The following PRDM13 variants were observed in gnomAD, a reference collection of about 807,000 sequenced individuals.
PRDM13 encodes the protein PR domain zinc finger protein 13.
PRDM13 carries 15 observed loss-of-function variants against 36.4 expected under a neutral mutation model. The observed-to-expected ratio is 0.41, with a 90% CI of 0.28 to 0.64. The LOEUF is 0.64. PRDM13 is among the 30% of genes least tolerant of loss of function. The pLI is 0.29. For missense variants in PRDM13, 1,044 were observed against 1,013.5 expected, an observed-to-expected ratio of 1.03 and a Z score of -0.41; for synonymous variants, 531 against 467.7, an observed-to-expected ratio of 1.14 and a Z score of -1.75.
At position 99,614,010 on chromosome 6, in the gene PRDM13, A is replaced by G; in HGVS notation, c.1375A>G (p.Met459Val). The G allele has an allele frequency of 6.2e-7, 1 of 1,610,132 alleles. No individual in the cohort carries two copies. The highest frequency in any genetic ancestry group is 8.5e-7 in the Non-Finnish European group (1 of 1,179,036). Residue 459 changes from methionine (M) to valine (V), a missense_variant, in exon 4 of 4, where the codon ATG (methionine) becomes GTG (valine). By Grantham distance (21) the Met-to-Val change is conservative. Transcript: ENST00000369215. ...TGAGTGCAGCCACCTGCCCGCCGTCATGCCGGCCTTTACAGTCTACAACGG... is the reference window on the plus strand; with the variant it reads ...TGAGTGCAGCCACCTGCCCGCCGTCGTGCCGGCCTTTACAGTCTACAACGG... Reference protein sequence around the residue: ...GGECSHLPAVMPAFTVYNGEL... With the variant: ...GGECSHLPAVVPAFTVYNGEL...
In PRDM13 at chr6:99,614,640, G is replaced by A. The variant is rs780012879; in HGVS notation, c.2005G>A (p.Glu669Lys). The change falls in exon 4 of 4, where the codon GAG becomes AAG. Residue 669 changes from glutamate to lysine, a missense_variant. By Grantham distance (56) the Glu-to-Lys change is moderately conservative (BLOSUM62 1). This residue lies in a region of PRDM13 where 115 missense variants were observed against 122.1 expected (regional missense o/e 0.94). Transcript: ENST00000369215. Reference protein sequence around the residue: ...LAKAGDGPGAEPGYPPEPGDP... With the variant: ...LAKAGDGPGAKPGYPPEPGDP... ...CAAAGCGGGCGACGGCCCGGGTGCC[G>A]AGCCCGGCTATCCCCCGGAGCCTGG... 3.7e-6 allele frequency: 6 copies of A among 1,612,268 alleles called. No homozygotes were observed. In the East Asian group the frequency reaches 1.3e-4, roughly 36 times the overall value.
In PRDM13 at chr6:99,613,533, C is replaced by G; in HGVS notation, c.898C>G (p.Leu300Val). The G allele has an allele frequency of 6.7e-7, 1 of 1,497,674 alleles. No individual in the cohort carries two copies. The highest frequency in any genetic ancestry group is 2.6e-5 in the East Asian group (1 of 38,190). 92.8% of individuals were successfully genotyped at this position (1,497,674 alleles called of 1,614,324 possible). A position where few individuals can be genotyped will look rare whatever the true frequency, so the allele number is the denominator to read the frequency against. Residue 300 changes from leucine to valine, a missense_variant, in exon 4 of 4, where the codon CTA (leucine) becomes GTA (valine). Around this residue, in one of 3 missense-constraint regions of PRDM13, gnomAD observed 921 missense variants for 865.2 expected, o/e 1.06. Coordinates refer to ENST00000369215, the MANE Select transcript of PRDM13 (RefSeq NM_021620.4). The surrounding 1 kb of genome is among the most constrained non-coding windows in gnomAD (Gnocchi z 6.1). The part of the protein sequence containing the change: ...GVRSAFKPAG[L>V]ARAAAAAHGD... The stretch of plus-strand genomic sequence containing the variant: ...GCGCTCAGCTTTCAAGCCCGCCGGC[C>G]TAGCGAGGGCGGCGGCGGCCGCTCA...
In PRDM13 at chr6:99,614,719, G is replaced by C. The variant is rs2114501882; in HGVS notation, c.2084G>C (p.Ser695Thr). 6.3e-7 allele frequency: 1 copy of C among 1,594,166 alleles called. No individual in the cohort carries two copies. Among genetic ancestry groups the C allele is most frequent in the Non-Finnish European group, 8.5e-7 (1 of 1,170,060 alleles). Residue 695 changes from serine to threonine, a missense_variant, in exon 4 of 4, where the codon AGC (serine) becomes ACC (threonine). Transcript: ENST00000369215. ...GACGTCTGCTTCACAGACGACCAGA[G>C]CGACCCCGAGGTTGGGGGCGGCGGG... Reference protein sequence around the residue: ...DVDVCFTDDQSDPEVGGGGER... With the variant: ...DVDVCFTDDQTDPEVGGGGER...
At chr6:99,609,341 C>T in intron 3 of PRDM13, 34 bp downstream of exon 3, 1 of 1,609,060 alleles carries the variant, frequency 6.2e-7, no homozygotes, top group Non-Finnish European at 8.5e-7. Flanking sequence ...GGGCAAAAGT[C>T]CAGCCCTCCT....
intron 3 of PRDM13, among the ~76,000 whole-genome samples, chr6:99,610,514 C>T (rs546861710): frequency 6.6e-6 from 1 of 152,290 alleles, no homozygotes; most frequent in Admixed American, 6.5e-5. Context: ...GAAATCAATA[C>T]AAGTATGTGA....
At position 99,607,154 on chromosome 6, in the gene PRDM13, C is replaced by T. The variant is rs1769959296; in HGVS notation, c.120C>T (p.Arg40=). 4.3e-6 allele frequency: 7 copies of T among 1,613,894 alleles called. No individual in the cohort carries two copies. The highest frequency in any genetic ancestry group is 5.9e-6 in the Non-Finnish European group (7 of 1,179,994). The change falls in exon 1 of 4, where the codon CGC becomes CGT. Residue 40 remains arginine, a synonymous_variant. Transcript: ENST00000369215. ...AGCTGGGCAAGTACCTGTCAGACCG[C>T]AGGGAGCCCGGGCCTAAGAAAAAGG... ...TFKLGKYLSD[R]REPGPKKKVR... is the part of the protein sequence containing the mutation.
At chr6:99,612,885 C>T (rs330843) in intron 3 of PRDM13, 148 bp from the exon 4 acceptor site, 293,739 of 1,437,980 alleles carry the variant, frequency 0.2, 32,331 homozygotes, top group Non-Finnish European at 0.23. Flanking sequence ...TCGGGGTCCT[C>T]GATACAGTAG....
At position 99,614,210 on chromosome 6, in the gene PRDM13, C is replaced by A. The variant is rs1266511572; in HGVS notation, c.1575C>A (p.His525Gln). ...LASIDREIAM[H>Q]NQQLSEMAAG... ...GCATCGACCGAGAGATCGCCATGCA[C>A]AATCAGCAGCTGTCCGAGATGGCTG... is the stretch of plus-strand genomic sequence containing the variant. Residue 525 changes from histidine to glutamine, a missense_variant, in exon 4 of 4, where the codon CAC (histidine) becomes CAA (glutamine). Physicochemically the swap from His to Gln is conservative, Grantham distance 24. Around this residue, in one of 3 missense-constraint regions of PRDM13, gnomAD observed 921 missense variants for 865.2 expected, o/e 1.06. Coordinates refer to ENST00000369215, the MANE Select transcript of PRDM13 (RefSeq NM_021620.4). 1.2e-6 allele frequency: 2 copies of A among 1,608,274 alleles called. No individual in the cohort carries two copies. Among genetic ancestry groups the A allele is most frequent in the Middle Eastern group, 1.7e-4 (1 of 6,052 alleles).
At position 99,614,833 on chromosome 6, in the gene PRDM13, T is replaced by A. The variant is rs969835828; in HGVS notation, c.*74T>A. On this transcript the variant is annotated 3_prime_UTR_variant, in exon 4 of 4. Transcript: ENST00000369215. ...TTTATTCTCGCAGTAGAGGAACTCC[T>A]GGTGGTGGGAAGAGGGACCCAATGG... The A allele has an allele frequency of 6.7e-7, 1 of 1,502,686 alleles. No homozygotes were observed. The highest frequency in any genetic ancestry group is 1.4e-5 in the African/African-American group (1 of 71,544). 93.1% of individuals were successfully genotyped at this position (1,502,686 alleles called of 1,614,324 possible).
At chr6:99,609,013 G>A (rs1279618387) in intron 2 of PRDM13, 141 bp downstream of exon 2, 2 of 1,399,706 alleles carry the variant, frequency 1.4e-6, no homozygotes, top group Non-Finnish European at 1.9e-6. Context: ...ACCCTTTAAG[G>A]TAGTTACTAT....
chr6:99,607,068 G>A lies in PRDM13; in HGVS notation c.34G>A (p.Val12Met). Reference sequence around the variant, plus strand: ...AGCCGCCAGAGCGCCAGCCACCAGCGTGAGTGCCGACTGCTGCATCCCGGC... The same window carrying A: ...AGCCGCCAGAGCGCCAGCCACCAGCATGAGTGCCGACTGCTGCATCCCGGC... ...HGAARAPATS[V>M]SADCCIPAGL... Residue 12 changes from valine to methionine, a missense_variant, in exon 1 of 4, where the codon GTG becomes ATG. Physicochemically the swap from Val to Met is conservative, Grantham distance 21. Coordinates refer to ENST00000369215, the MANE Select transcript of PRDM13 (RefSeq NM_021620.4). The A allele has an allele frequency of 6.2e-7, 1 of 1,612,894 alleles. No individual in the cohort carries two copies. The highest frequency in any genetic ancestry group is 8.5e-7 in the Non-Finnish European group (1 of 1,179,674).
In PRDM13 at chr6:99,613,136, C is replaced by T. The variant is rs367575849; in HGVS notation, c.501C>T (p.Gly167=). ...RFHCVFSGGG[G]GAFLHHEHAA... ...ACTGCGTGTTCAGCGGCGGTGGAGG[C>T]GGCGCCTTCCTGCACCACGAACACG... The change falls in exon 4 of 4, where the codon GGC becomes GGT. Residue 167 remains glycine (G), a synonymous_variant. Transcript: ENST00000369215. The surrounding 1 kb of genome is among the most constrained non-coding windows in gnomAD (Gnocchi z 6.1). The T allele has an allele frequency of 1.8e-5, 29 of 1,613,126 alleles. No individual in the cohort carries two copies. Among genetic ancestry groups the T allele is most frequent in the Non-Finnish European group, 2.3e-5 (27 of 1,180,008 alleles).
Position 99,614,459 on chromosome 6 carries a change from G to A in PRDM13, c.1824G>A (p.Arg608=), listed in dbSNP as rs1191885265. 1.2e-6 allele frequency: 2 copies of A among 1,613,538 alleles called. No individual in the cohort carries two copies. ...YKPLKCKVCL[R]PFGDPSNLNK... ...CACTCAAGTGCAAAGTCTGTCTGCGGCCCTTCGGCGACCCCAGCAATCTCA... is the reference window on the plus strand; with the variant it reads ...CACTCAAGTGCAAAGTCTGTCTGCGACCCTTCGGCGACCCCAGCAATCTCA... Residue 608 remains arginine, a synonymous_variant, in exon 4 of 4, where the codon CGG becomes CGA. Transcript: ENST00000369215.
In PRDM13 at chr6:99,613,630, G is replaced by A; in HGVS notation, c.995G>A (p.Gly332Glu). 1 of 1,447,324 alleles carries A rather than the reference G, an allele frequency of 6.9e-7. No individual in the cohort carries two copies. The highest frequency in any genetic ancestry group is 9.0e-7 in the Non-Finnish European group (1 of 1,113,934). 89.7% of individuals were successfully genotyped at this position (1,447,324 alleles called of 1,614,324 possible). ...CTCGCTTTGGGCAGGCTGCTGGGCG[G>A]GGGCCGGGCGTGCGGGCGCCCCGGG... The part of the protein sequence containing the change: ...AGLALGRLLG[G>E]GRACGRPGSG... Residue 332 changes from glycine (G) to glutamate (E), a missense_variant, in exon 4 of 4, where the codon GGG becomes GAG. Gly to Glu is a moderately conservative substitution (Grantham distance 98, BLOSUM62 -2). Coordinates refer to ENST00000369215, the MANE Select transcript of PRDM13 (RefSeq NM_021620.4). The surrounding 1 kb of genome is among the most constrained non-coding windows in gnomAD (Gnocchi z 6.1).
chr6:99,609,085 G>A (rs956655261), intron 2 of PRDM13, 102 bp from the exon 3 acceptor site: 16 of 1,466,308 alleles, frequency 1.1e-5, no homozygotes, highest in Non-Finnish European at 1.5e-5. Context: ...CTTCTCCAGG[G>A]TCACACAGCA....
At chr6:99,607,492 A>C (rs1769965349) in intron 1 of PRDM13, among the ~76,000 whole-genome samples, 3 of 152,200 alleles carry the variant, frequency 2.0e-5, no homozygotes, top group South Asian at 4.1e-4. Context: ...GTCAGAAGCC[A>C]GAAGCCCACC....
chr6:99,614,940 C>A lies in PRDM13; in HGVS notation c.*181C>A. 1.2e-6 allele frequency: 1 copy of A among 868,640 alleles called. No individual in the cohort carries two copies. Among genetic ancestry groups the A allele is most frequent in the Non-Finnish European group, 1.7e-6 (1 of 585,562 alleles). 53.8% of individuals were successfully genotyped at this position (868,640 alleles called of 1,614,324 possible). On this transcript the variant is annotated 3_prime_UTR_variant, in exon 4 of 4. Coordinates refer to ENST00000369215, the MANE Select transcript of PRDM13 (RefSeq NM_021620.4). The stretch of plus-strand genomic sequence containing the variant: ...CATCTGGTGCTGAAACTCAGAGCAA[C>A]AGTTCAGAGGTGGCGTAAATCTGGC...
chr6:99,614,504 C>T lies in PRDM13; in HGVS notation c.1869C>T (p.His623=), dbSNP rs375460946. ...ATCTCAACAAGCACATCCGGCTGCA[C>T]GCCGAGGGCAATACGCCCTACCGCT... The part of the protein sequence containing the change: ...PSNLNKHIRL[H]AEGNTPYRCE... Residue 623 remains histidine (H), a synonymous_variant, in exon 4 of 4, where the codon CAC becomes CAT. Coordinates refer to ENST00000369215, the MANE Select transcript of PRDM13 (RefSeq NM_021620.4). 1.1e-5 allele frequency: 17 copies of T among 1,613,192 alleles called. No individual in the cohort carries two copies. Among genetic ancestry groups the T allele is most frequent in the African/African-American group, 1.3e-5 (1 of 74,950 alleles).
At position 99,614,486 on chromosome 6, in the gene PRDM13, C is replaced by A; in HGVS notation, c.1851C>A (p.Asn617Lys). 1 of 1,613,424 alleles carries A rather than the reference C, an allele frequency of 6.2e-7. No homozygotes were observed. ...CCTTCGGCGACCCCAGCAATCTCAA[C>A]AAGCACATCCGGCTGCACGCCGAGG... ...LRPFGDPSNL[N>K]KHIRLHAEGN... The change falls in exon 4 of 4, where the codon AAC becomes AAA. Residue 617 changes from asparagine (N) to lysine (K), a missense_variant. By Grantham distance (94) the Asn-to-Lys change is moderately conservative. Transcript: ENST00000369215.
Sources: gnomAD v4.1 joint callset for allele counts (sites outside exome capture counted in the v4.1 genomes callset) on GRCh38, gnomAD v4.1.1 for gene constraint, gnomAD v4.1.1 regional missense constraint, Gnocchi (gnomAD v3.1) non-coding constraint, MANE v1.5 for transcripts, NCBI Gene and HGNC (gene_info 2026-07-23, HGNC 2026-07-21) for gene names.